Variants in TMEM131 observed in about 807,000 individuals in gnomAD.
The protein encoded by TMEM131 is 2610524E03Rik.
In TMEM131, 66 loss-of-function variants were observed where a neutral mutation model predicts 211.6. The observed-to-expected ratio is 0.31, with a 90% CI of 0.26 to 0.38. TMEM131 has a LOEUF of 0.38. Ranked by LOEUF, TMEM131 falls within the 10% of genes least tolerant of loss-of-function variation. The probability of loss-of-function intolerance (pLI) is 1.00; values close to 1 mark genes in which losing one functional copy is unlikely to be tolerated. For synonymous variants in TMEM131, 844 were observed against 841.3 expected (o/e 1.00, Z -0.06); for missense variants, 2,036 against 2,299.3 (o/e 0.89, Z 2.34).
At chr2:97,954,084 T>A (rs965448215) in intron 1 of TMEM131, among the ~76,000 whole-genome samples, 3 of 152,176 alleles carry the variant, frequency 2.0e-5, no homozygotes, top group Non-Finnish European at 2.9e-5. Context: ...ACATTAATAA[T>A]CTCTGTCCCC....
intron 11 of TMEM131, among the ~76,000 whole-genome samples, chr2:97,832,881 C>A (rs1432577224): frequency 6.6e-6 from 1 of 152,116 alleles, no homozygotes; most frequent in African/African-American, 2.4e-5. Flanking sequence ...GTGCTGCCTA[C>A]GGTAACTCAA....
At chr2:97,895,978 T>C (rs1675595415) in intron 3 of TMEM131, among the ~76,000 whole-genome samples, 1 of 152,228 alleles carries the variant, frequency 6.6e-6, no homozygotes, top group South Asian at 2.1e-4. Flanking sequence ...TTCTAGATCT[T>C]TCCTGCTTTC....
intron 12 of TMEM131, 149 bp downstream of exon 12, chr2:97,818,464 G>C (rs867563533): frequency 7.3e-6 from 2 of 272,268 alleles, no homozygotes; most frequent in African/African-American, 7.7e-5. Context: ...GGTTTACAGC[G>C]GGGGGGGGCG....
chr2:97,959,326 G>C (rs917776872), intron 1 of TMEM131, among the ~76,000 whole-genome samples: 2 of 152,168 alleles, frequency 1.3e-5, no homozygotes, highest in African/African-American at 4.8e-5. Flanking sequence ...GGGAGGTGGG[G>C]AAGAGCTGGA....
chr2:97,895,502 CT>C (rs1006609997), intron 3 of TMEM131, among the ~76,000 whole-genome samples: 4 of 152,018 alleles, frequency 2.6e-5, no homozygotes, highest in African/African-American at 9.7e-5. Context: ...TGGTCTTGGA[CT>C]TTTTTTGGTT....
intron 4 of TMEM131, among the ~76,000 whole-genome samples, chr2:97,878,566 A>G (rs974818512): frequency 4.6e-5 from 7 of 152,232 alleles, no homozygotes; most frequent in African/African-American, 1.7e-4. Flanking sequence ...ATGAAGCTGG[A>G]AATCATCATT....
Position 97,757,015 on chromosome 2 carries a change from T to C in TMEM131, c.*84A>G. On this transcript the variant is annotated 3_prime_UTR_variant, in exon 41 of 41. Transcript: ENST00000186436. The stretch of plus-strand genomic sequence containing the variant: ...AGGAGGGTGGGGAGGGGAGCTGCAG[T>C]AAGAGCCTTAAAAAGATGTCTCAGA... 6.9e-7 allele frequency: 1 copy of C among 1,455,742 alleles called. No individual in the cohort carries two copies. The allele number at this position is 1,455,742 out of a possible 1,614,324, so 90.2% of individuals were successfully genotyped here.
chr2:97,834,590 C>T lies in TMEM131; in HGVS notation c.1012+31G>A, dbSNP rs116363709. Reference sequence around the variant, plus strand: ...ACAGGGGTTAAAAAAAAAAAAAACTCCATAAAGACTCTTTTAAAAGATTTT... The same window carrying T: ...ACAGGGGTTAAAAAAAAAAAAAACTTCATAAAGACTCTTTTAAAAGATTTT... On this transcript the variant is annotated intron_variant, in intron 10 of 40. Coordinates refer to ENST00000186436, the MANE Select transcript of TMEM131 (RefSeq NM_015348.2). 1.2e-3 allele frequency: 1,786 copies of T among 1,476,634 alleles called. 27 individuals are homozygous for T. In the African/African-American group the frequency reaches 0.019, roughly 16 times the overall value. 91.5% of individuals were successfully genotyped at this position (1,476,634 alleles called of 1,614,324 possible).
chr2:97,791,389 C>T (rs943611059), intron 31 of TMEM131, among the ~76,000 whole-genome samples: 4 of 152,200 alleles, frequency 2.6e-5, no homozygotes, highest in African/African-American at 7.2e-5. Flanking sequence ...CAGTGACTTC[C>T]GTCCTGCTTC....
chr2:97,969,248 C>T (rs973846996), intron 1 of TMEM131, among the ~76,000 whole-genome samples: 1 of 152,156 alleles, frequency 6.6e-6, no homozygotes, highest in African/African-American at 2.4e-5. Context: ...ACCCTGTACA[C>T]AGTACATATC....
At chr2:97,954,780 T>C (rs1208773598) in intron 1 of TMEM131, among the ~76,000 whole-genome samples, 1 of 115,452 alleles carries the variant, frequency 8.7e-6, no homozygotes, top group Non-Finnish European at 1.6e-5. Flanking sequence ...CACTTCAGCC[T>C]GGGAGACAAG....
At chr2:97,970,985 A>T (rs1679273190) in intron 1 of TMEM131, among the ~76,000 whole-genome samples, 1 of 152,186 alleles carries the variant, frequency 6.6e-6, no homozygotes, top group Non-Finnish European at 1.5e-5. Context: ...ATAAAGAATG[A>T]TTAAAATTAT....
At chr2:97,917,181 C>T (rs1676542621) in intron 2 of TMEM131, among the ~76,000 whole-genome samples, 1 of 152,124 alleles carries the variant, frequency 6.6e-6, no homozygotes, top group Non-Finnish European at 1.5e-5. Flanking sequence ...AAGTTTTATG[C>T]CCATTTCTCA....
chr2:97,828,073 G>GC (rs1682484916), intron 11 of TMEM131, among the ~76,000 whole-genome samples: 1 of 152,128 alleles, frequency 6.6e-6, no homozygotes, highest in Non-Finnish European at 1.5e-5. Flanking sequence ...TTGTTACTGT[G>GC]CTGTGAAAGA....
chr2:97,847,136 C>G (rs1039917989), intron 5 of TMEM131, among the ~76,000 whole-genome samples: 5 of 133,474 alleles, frequency 3.7e-5, no homozygotes, highest in African/African-American at 1.4e-4. Flanking sequence ...TTGCAGTGAG[C>G]AGAGATTGCG....
chr2:97,831,476 G>T (rs1376623108), intron 11 of TMEM131, among the ~76,000 whole-genome samples: 2 of 152,036 alleles, frequency 1.3e-5, no homozygotes, highest in African/African-American at 4.8e-5. Context: ...CAAAACACTG[G>T]CAGAGTTTGG....
chr2:97,800,652 G>A (rs1680987737), intron 25 of TMEM131, among the ~76,000 whole-genome samples: 1 of 151,608 alleles, frequency 6.6e-6, no homozygotes, highest in Admixed American at 6.6e-5. Context: ...CGCTACTCGG[G>A]AGGCTGAGGC....
chr2:97,810,046 G>C (rs1681482348), intron 18 of TMEM131, among the ~76,000 whole-genome samples: 1 of 151,948 alleles, frequency 6.6e-6, no homozygotes, highest in Non-Finnish European at 1.5e-5. Flanking sequence ...AATGAAGACA[G>C]ATTTTTTAAA....
At chr2:97,895,502 C>T (rs1675572240) in intron 3 of TMEM131, among the ~76,000 whole-genome samples, 1 of 152,018 alleles carries the variant, frequency 6.6e-6, no homozygotes, top group Non-Finnish European at 1.5e-5. Context: ...TGGTCTTGGA[C>T]TTTTTTTGGT....
Sources: gnomAD v4.1 joint callset for allele counts (sites outside exome capture counted in the v4.1 genomes callset) on GRCh38, gnomAD v4.1.1 for gene constraint, MANE v1.5 for transcripts, NCBI Gene and HGNC (gene_info 2026-07-23, HGNC 2026-07-21) for gene names.